NHERF2: variants seen among roughly 807,000 people sequenced by gnomAD.
NHERF2 encodes NHERF family PDZ scaffold protein 2.
the NHERF2 span, chr16:2,033,494 G>T: frequency 6.8e-7 from 1 of 1,471,056 alleles, no homozygotes; most frequent in Non-Finnish European, 9.1e-7. Context: ...GCCTCCCGGG[G>T]TGGAAGGAGG....
chr16:2,038,221 C>CAG, the NHERF2 span: 2,142 of 567,034 alleles, frequency 3.8e-3, 2 homozygotes, highest in East Asian at 7.2e-3. Flanking sequence ...GAGACAGAGA[C>CAG]AGAGAGAGAG....
the NHERF2 span, chr16:2,036,860 CCCA>C: frequency 6.2e-7 from 1 of 1,611,292 alleles, no homozygotes; most frequent in Non-Finnish European, 8.5e-7. Context: ...TCGGGTCACA[CCCA>C]CCGAGGAGCA....
At chr16:2,036,710 A>C in the NHERF2 span, 1 of 1,609,564 alleles carries the variant, frequency 6.2e-7, no homozygotes, top group South Asian at 1.1e-5. Context: ...CGGGGCTGAT[A>C]CATGCTGGTG....
At chr16:2,036,812 G>A in the NHERF2 span, 5 of 1,613,354 alleles carry the variant, frequency 3.1e-6, no homozygotes, top group South Asian at 1.1e-5. Context: ...CCGGCTGCTG[G>A]TCGTGGACCC....
the NHERF2 span, chr16:2,033,347 C>G: frequency 6.5e-7 from 1 of 1,533,206 alleles, no homozygotes; most frequent in Non-Finnish European, 8.7e-7. Context: ...CACTGTGCCG[C>G]TGTCATGGCA....
the NHERF2 span, among the ~76,000 whole-genome samples, chr16:2,028,685 C>G: frequency 1.3e-5 from 2 of 152,146 alleles, no homozygotes; most frequent in Admixed American, 1.3e-4. Flanking sequence ...TCAGTCCCTC[C>G]TATCTGTTCA....
chr16:2,036,637 G>T, the NHERF2 span: 2 of 1,560,020 alleles, frequency 1.3e-6, no homozygotes, highest in Admixed American at 1.7e-5. Flanking sequence ...GTGGGCGGTG[G>T]CTGTGATGAA....
chr16:2,034,955 A>G, the NHERF2 span, among the ~76,000 whole-genome samples: 3 of 152,030 alleles, frequency 2.0e-5, no homozygotes, highest in African/African-American at 4.8e-5. Context: ...GAGTGAGTCT[A>G]TGTGGTGGGG....
the NHERF2 span, chr16:2,027,168 C>T: frequency 6.8e-7 from 1 of 1,472,180 alleles, no homozygotes; most frequent in Non-Finnish European, 9.0e-7. Context: ...CGCTGGGGAC[C>T]GCCTGGTCGA....
At chr16:2,037,977 AC>A in the NHERF2 span, 1 of 1,613,456 alleles carries the variant, frequency 6.2e-7, no homozygotes, top group Non-Finnish European at 8.5e-7. Context: ...ATCTTCAGCA[AC>A]TTCTGAGCCC....
the NHERF2 span, chr16:2,036,829 A>C: frequency 1.2e-4 from 193 of 1,613,068 alleles, no homozygotes; most frequent in Non-Finnish European, 1.6e-4. Flanking sequence ...ACCCCGAGAC[A>C]GATGAACACT....
At chr16:2,029,411 C>T in the NHERF2 span, 8 of 622,248 alleles carry the variant, frequency 1.3e-5, no homozygotes, top group East Asian at 2.8e-5. Flanking sequence ...GGGAGGGAGC[C>T]GCTGGAGTCC....
chr16:2,029,703 T>TGCCCCCCCCCCCCCCCCCCCGGGGGC, the NHERF2 span: 3 of 1,509,480 alleles, frequency 2.0e-6, no homozygotes, highest in Non-Finnish European at 2.7e-6. Flanking sequence ...CAGCGAGGGC[T>TGCCCCCCCCCCCCCCCCCCCGGGGGC]CCCACCCGCC....
chr16:2,035,696 A>G, the NHERF2 span: 6 of 985,552 alleles, frequency 6.1e-6, no homozygotes, highest in South Asian at 2.8e-4. Flanking sequence ...TGCCAGAGGT[A>G]ACATGGGGCA....
At chr16:2,027,325 G>A in the NHERF2 span, 25 of 610,864 alleles carry the variant, frequency 4.1e-5, no homozygotes, top group South Asian at 1.6e-3. Context: ...CGGGGAGGAC[G>A]CGGACGTTGT....
the NHERF2 span, among the ~76,000 whole-genome samples, chr16:2,032,379 C>T: frequency 6.6e-6 from 1 of 152,362 alleles, no homozygotes; most frequent in East Asian, 1.9e-4. The surrounding 1 kb of genome is among the most constrained non-coding windows in gnomAD (Gnocchi z 4.0). Context: ...TGGGCCTCAC[C>T]TGACCTCCAC....
chr16:2,038,422 TTCCCCTCCC>T, the NHERF2 span: 1 of 211,642 alleles, frequency 4.7e-6, no homozygotes, highest in Non-Finnish European at 8.8e-6. Context: ...CCCCTCCCCC[TTCCCCTCCC>T]CCTTGGGACG....
At chr16:2,036,356 T>A in the NHERF2 span, 1 of 1,610,828 alleles carries the variant, frequency 6.2e-7, no homozygotes, top group Non-Finnish European at 8.5e-7. Context: ...AGCTGCGCCC[T>A]CGGCTCTGCC....
the NHERF2 span, chr16:2,033,264 A>G: frequency 6.5e-7 from 1 of 1,526,998 alleles, no homozygotes; most frequent in Non-Finnish European, 8.7e-7. Flanking sequence ...AGAGGGAGGT[A>G]GATAAGTGGG....
Sources: gnomAD v4.1 joint callset for allele counts (sites outside exome capture counted in the v4.1 genomes callset) on GRCh38, gnomAD v4.1.1 for gene constraint, Gnocchi (gnomAD v3.1) non-coding constraint, MANE v1.5 for transcripts, NCBI Gene and HGNC (gene_info 2026-07-23, HGNC 2026-07-21) for gene names.